The following NKAIN2 variants were observed in gnomAD, a reference collection of about 807,000 sequenced individuals.
The protein encoded by NKAIN2 is sodium/potassium-transporting ATPase subunit beta-1-interacting protein 2.
NKAIN2 carries 14 observed loss-of-function variants against 32.6 expected under a neutral mutation model. The ratio of observed to expected loss-of-function variants is 0.43; its 90% CI spans 0.28 to 0.67. The LOEUF is 0.67. Ranked by LOEUF, NKAIN2 falls within the 30% of genes least tolerant of loss-of-function variation. The probability of loss-of-function intolerance (pLI) is 0.17; values close to 1 mark genes in which losing one functional copy is unlikely to be tolerated. For missense variants in NKAIN2, 198 were observed against 258.3 expected (o/e 0.77, Z 1.60); for synonymous variants, 80 against 87.2 (o/e 0.92, Z 0.46).
intron 3 of NKAIN2, among the ~76,000 whole-genome samples, chr6:124,519,261 G>A (rs973833479): frequency 2.2e-4 from 34 of 152,214 alleles, no homozygotes; most frequent in African/African-American, 7.7e-4. Flanking sequence ...CAAAAGAAGT[G>A]TAAGAGTTGT....
At chr6:124,242,943 C>T (rs553137778) in intron 1 of NKAIN2, among the ~76,000 whole-genome samples, 9 of 151,404 alleles carry the variant, frequency 5.9e-5, no homozygotes, top group South Asian at 2.1e-4. Context: ...ATGCAGATGA[C>T]GGGATGATGG....
intron 2 of NKAIN2, among the ~76,000 whole-genome samples, chr6:124,323,784 CTTTTT>C: frequency 8.6e-6 from 1 of 115,936 alleles, no homozygotes; most frequent in East Asian, 2.4e-4. Context: ...TTAATTTTTT[CTTTTT>C]TTTTTTTTTT....
intron 4 of NKAIN2, among the ~76,000 whole-genome samples, chr6:124,712,734 T>C (rs962298820): frequency 3.0e-4 from 46 of 151,732 alleles, no homozygotes; most frequent in African/African-American, 1.1e-3. Flanking sequence ...ACCTGGTACC[T>C]CAGATGGAAA....
intron 3 of NKAIN2, among the ~76,000 whole-genome samples, chr6:124,418,235 T>C (rs954836293): frequency 2.6e-5 from 4 of 151,940 alleles, no homozygotes; most frequent in Admixed American, 2.0e-4. Flanking sequence ...TACTTAAAAG[T>C]TCAGAGTAAC....
rs1364772744 is a variant in NKAIN2, at chr6:124,105,737, G to A, written c.55-177268G>A. Reference sequence around the variant, plus strand: ...GCATTATTTAACTTACACAGTCACAGAATTCATCAGTGTTTCATTATTCTG... The same window carrying A: ...GCATTATTTAACTTACACAGTCACAAAATTCATCAGTGTTTCATTATTCTG... On this transcript the variant is annotated intron_variant, in intron 1 of 6. Transcript: ENST00000368417. Among the ~76,000 whole-genome samples, 4 of 152,280 alleles carry A rather than the reference G, an allele frequency of 2.6e-5. No homozygotes were observed. The East Asian group carries it at 5.8e-4, about 22-fold the overall frequency.
chr6:124,449,855 T>C (rs906713495), intron 3 of NKAIN2, among the ~76,000 whole-genome samples: 1 of 152,164 alleles, frequency 6.6e-6, no homozygotes, highest in Non-Finnish European at 1.5e-5. Context: ...GAAATGCTAA[T>C]TAGATTTGGA....
intron 1 of NKAIN2, among the ~76,000 whole-genome samples, chr6:123,808,015 G>A (rs1773292520): frequency 6.6e-6 from 1 of 152,042 alleles, no homozygotes; most frequent in Non-Finnish European, 1.5e-5. Flanking sequence ...TTTTCCTTAA[G>A]ATGTTGTGAG....
At position 123,955,895 on chromosome 6, in the gene NKAIN2, C is replaced by T. The variant is rs903729580; in HGVS notation, c.54+151641C>T. On this transcript the variant is annotated intron_variant, in intron 1 of 6. Coordinates refer to ENST00000368417, the MANE Select transcript of NKAIN2 (RefSeq NM_001040214.3). ...CTCCTGCCTTGGCCTCCCAAAATGC[C>T]GGGATTATAGGAGTGAGCTACCATG... Among the ~76,000 whole-genome samples, 4 of 151,982 alleles carry T rather than the reference C, an allele frequency of 2.6e-5. No homozygotes were observed. In the South Asian group the frequency reaches 6.2e-4, roughly 24 times the overall value.
chr6:124,629,649 T>C (rs1442998320), intron 3 of NKAIN2, among the ~76,000 whole-genome samples: 1 of 152,180 alleles, frequency 6.6e-6, no homozygotes, highest in Non-Finnish European at 1.5e-5. Context: ...CACTCTTTGT[T>C]TATAGTTTAA....
At chr6:124,030,045 C>T (rs74329142) in intron 1 of NKAIN2, among the ~76,000 whole-genome samples, 1 of 136,120 alleles carries the variant, frequency 7.3e-6, no homozygotes, top group South Asian at 2.1e-4. Flanking sequence ...TCTACAAAAA[C>T]AAACAAACAA....
At chr6:124,780,605 G>C (rs768817187) in intron 4 of NKAIN2, among the ~76,000 whole-genome samples, 44 of 152,186 alleles carry the variant, frequency 2.9e-4, no homozygotes, top group Non-Finnish European at 5.9e-4. Flanking sequence ...TGAAAGCATA[G>C]GCTTGAGCCA....
At chr6:124,286,655 TGTGTGTGTGTGTGTGTGTGCGCGCGC>T (rs1354004539) in intron 2 of NKAIN2, among the ~76,000 whole-genome samples, 13 of 121,732 alleles carry the variant, frequency 1.1e-4, no homozygotes, top group Admixed American at 6.7e-4. Context: ...TGTGTGTGTG[TGTGTGTGTGTGTGTGTGTGCGCGCGC>T]GTGTGTGTGT....
intron 3 of NKAIN2, among the ~76,000 whole-genome samples, chr6:124,383,145 C>G (rs1212840871): frequency 6.6e-6 from 1 of 152,128 alleles, no homozygotes; most frequent in Non-Finnish European, 1.5e-5. Flanking sequence ...TAGGATTTCT[C>G]CCCCAGGCAC....
chr6:124,638,727 C>G (rs956960984), intron 3 of NKAIN2, among the ~76,000 whole-genome samples: 7 of 151,682 alleles, frequency 4.6e-5, no homozygotes, highest in Admixed American at 2.6e-4. Flanking sequence ...AACCCCATCT[C>G]TAATAAAAAT....
At chr6:124,400,475 T>G (rs1174279981) in intron 3 of NKAIN2, among the ~76,000 whole-genome samples, 1 of 152,128 alleles carries the variant, frequency 6.6e-6, no homozygotes, top group Non-Finnish European at 1.5e-5. Context: ...TAAGGTTCTG[T>G]TACTTGGCTT....
chr6:124,163,815 G>A (rs1375045886), intron 1 of NKAIN2, among the ~76,000 whole-genome samples: 2 of 152,012 alleles, frequency 1.3e-5, no homozygotes, highest in Non-Finnish European at 2.9e-5. Flanking sequence ...TTGGAAAGAG[G>A]TAAAAATGAT....
intron 3 of NKAIN2, among the ~76,000 whole-genome samples, chr6:124,604,628 A>G (rs912613358): frequency 2.0e-5 from 3 of 151,608 alleles, no homozygotes; most frequent in African/African-American, 7.2e-5. Flanking sequence ...AATAAATATT[A>G]ATATTTAATA....
chr6:124,639,987 G>A (rs1411237695), intron 3 of NKAIN2, among the ~76,000 whole-genome samples: 4 of 152,064 alleles, frequency 2.6e-5, no homozygotes, highest in Non-Finnish European at 5.9e-5. Context: ...GATTTTGAAT[G>A]TCTCCAACAC....
At chr6:123,869,697 G>T (rs1250072377) in intron 1 of NKAIN2, among the ~76,000 whole-genome samples, 2 of 152,124 alleles carry the variant, frequency 1.3e-5, no homozygotes, top group Non-Finnish European at 2.9e-5. Context: ...TTTCTATTTA[G>T]TTTACTTAAA....
Sources: allele counts gnomAD v4.1 joint callset (sites outside exome capture counted in the v4.1 genomes callset), GRCh38; gene constraint gnomAD v4.1.1; transcripts MANE v1.5; gene names NCBI Gene and HGNC (gene_info 2026-07-23, HGNC 2026-07-21).